The following ETV6 variants were observed in gnomAD, a reference collection of about 807,000 sequenced individuals.
The protein encoded by ETV6 is transcription factor ETV6.
ETV6 carries 16 observed loss-of-function variants against 51.1 expected under a neutral mutation model. That is an observed-to-expected ratio of 0.31 (90% CI 0.21 to 0.48). The LOEUF (loss-of-function observed/expected upper bound fraction) is 0.48. Among genes scored for constraint, ETV6 ranks in the 20% least tolerant of loss-of-function variants. The probability of loss-of-function intolerance (pLI) is 0.99; values close to 1 mark genes in which losing one functional copy is unlikely to be tolerated. For missense variants in ETV6, 458 were observed against 594.8 expected, an observed-to-expected ratio of 0.77 and a Z score of 2.39; for synonymous variants, 240 against 224.1, an observed-to-expected ratio of 1.07 and a Z score of -0.64.
At position 11,666,064 on chromosome 12, in the gene ETV6, G is replaced by C. The variant is rs556413738; in HGVS notation, c.33+15904G>C. Among the ~76,000 whole-genome samples the C allele has an allele frequency of 3.3e-5, 5 of 152,292 alleles. No individual in the cohort carries two copies. In the South Asian group the frequency reaches 1.0e-3, roughly 32 times the overall value. On this transcript the variant is annotated intron_variant, in intron 1 of 7. Transcript: ENST00000396373. ...TGGCTGTTTGTTGTAGCTGTGTGCGGTCTTGGCCATAGCTGGCTGTGGTAT... is the reference window on the plus strand; with the variant it reads ...TGGCTGTTTGTTGTAGCTGTGTGCGCTCTTGGCCATAGCTGGCTGTGGTAT...
intron 3 of ETV6, among the ~76,000 whole-genome samples, chr12:11,844,804 T>C (rs889997616): frequency 3.3e-5 from 5 of 151,008 alleles, no homozygotes; most frequent in Admixed American, 3.3e-4. Flanking sequence ...AATGCTTCGA[T>C]AGGTCACTTA....
intron 1 of ETV6, among the ~76,000 whole-genome samples, chr12:11,748,359 G>A (rs989670463): frequency 6.6e-6 from 1 of 152,216 alleles, no homozygotes; most frequent in African/African-American, 2.4e-5. Context: ...TCTCAGTTCT[G>A]CAGCAGAGAA....
At chr12:11,842,236 T>C (rs1431785355) in intron 3 of ETV6, among the ~76,000 whole-genome samples, 2 of 152,162 alleles carry the variant, frequency 1.3e-5, no homozygotes, top group Non-Finnish European at 2.9e-5. Flanking sequence ...CCTCCTCACA[T>C]TTCAAACTGG....
intron 2 of ETV6, among the ~76,000 whole-genome samples, chr12:11,828,098 T>C (rs773076669): frequency 2.0e-5 from 3 of 152,204 alleles, no homozygotes; most frequent in Non-Finnish European, 4.4e-5. Flanking sequence ...GGCTTCTTTG[T>C]AAGCATACAT....
At chr12:11,728,102 G>C (rs537640046) in intron 1 of ETV6, among the ~76,000 whole-genome samples, 11 of 152,302 alleles carry the variant, frequency 7.2e-5, no homozygotes, top group African/African-American at 2.4e-4. Context: ...TTATAGGCAT[G>C]AGCCACCGCT....
intron 2 of ETV6, among the ~76,000 whole-genome samples, chr12:11,814,646 C>T (rs1306349788): frequency 6.6e-6 from 1 of 152,220 alleles, no homozygotes; most frequent in East Asian, 1.9e-4. Context: ...CTCTCCTTGT[C>T]AAGCTCTGCA....
chr12:11,713,855 T>C (rs917826076), intron 1 of ETV6, among the ~76,000 whole-genome samples: 1 of 152,178 alleles, frequency 6.6e-6, no homozygotes, highest in Non-Finnish European at 1.5e-5. Context: ...TTCAGTAATG[T>C]TATAAGGAAG....
At chr12:11,651,149 C>G (rs1469419508) in intron 1 of ETV6, among the ~76,000 whole-genome samples, 2 of 152,212 alleles carry the variant, frequency 1.3e-5, no homozygotes, top group African/African-American at 4.8e-5. Context: ...ATTCATTTCG[C>G]TGTTCCACCA....
rs192480465 is a variant in ETV6, at chr12:11,878,020, T to C, written c.1010-6425T>C. ...ACGCAGGGCACTGACAGGGAAGGCC[T>C]GTGTGGGGTGCCCTTCAAGGCCACC... On this transcript the variant is annotated intron_variant, in intron 5 of 7. Transcript: ENST00000396373. Among the ~76,000 whole-genome samples the C allele has an allele frequency of 9.9e-5, 15 of 152,270 alleles. No homozygotes were observed. The South Asian group carries it at 1.7e-3, about 17-fold the overall frequency.
rs1264404269 is a variant in ETV6, at chr12:11,893,853, C to CA, written c.*2808dup. The stretch of plus-strand genomic sequence containing the variant: ...ATATATATATATATACACACACACA[C>CA]ACATACACAAATATTCCAGGATACA... On this transcript the variant is annotated 3_prime_UTR_variant, in exon 8 of 8. Transcript: ENST00000396373. 3.3e-5 allele frequency: 5 copies of CA among 150,910 alleles called. No homozygotes were observed. The highest frequency in any genetic ancestry group is 1.6e-4 in the African/African-American group (5 of 31,832). The allele number at this position is 150,910 out of a possible 1,614,324, so 9.3% of individuals were successfully genotyped here.
In ETV6 at chr12:11,796,669, A is replaced by G. The variant is rs570551565; in HGVS notation, c.164-42471A>G. On this transcript the variant is annotated intron_variant, in intron 2 of 7. Transcript: ENST00000396373. ...TCCATGCGTGGGGCCGATCAAGGAC[A>G]CCAAGGCTGTGCAATGACAGGTTTC... Among the ~76,000 whole-genome samples the G allele has an allele frequency of 9.9e-5, 15 of 152,228 alleles. No homozygotes were observed. The South Asian group carries it at 2.7e-3, about 27-fold the overall frequency.
chr12:11,784,240 G>A (rs1945449473), intron 2 of ETV6, among the ~76,000 whole-genome samples: 1 of 152,132 alleles, frequency 6.6e-6, no homozygotes, highest in East Asian at 1.9e-4. Flanking sequence ...GACCAGCCTG[G>A]CCAACATGTT....
Position 11,670,026 on chromosome 12 carries a change from G to A in ETV6, c.33+19866G>A, listed in dbSNP as rs546727113. Among the ~76,000 whole-genome samples, 3 of 151,796 alleles carry A rather than the reference G, an allele frequency of 2.0e-5. No homozygotes were observed. The East Asian group carries it at 5.8e-4, about 29-fold the overall frequency. ...AATCACATTCCTTCCCAAAATGACT[G>A]TGTTAGTACTTAATTGTTCACCTGG... On this transcript the variant is annotated intron_variant, in intron 1 of 7. Transcript: ENST00000396373.
At chr12:11,824,503 G>C (rs1048191007) in intron 2 of ETV6, among the ~76,000 whole-genome samples, 2 of 152,254 alleles carry the variant, frequency 1.3e-5, no homozygotes, top group Admixed American at 6.5e-5. Context: ...GGATGGCCAG[G>C]CATGGTGGCT....
chr12:11,753,232 C>T (rs1322287892), intron 2 of ETV6, among the ~76,000 whole-genome samples: 1 of 152,140 alleles, frequency 6.6e-6, no homozygotes, highest in African/African-American at 2.4e-5. Context: ...TACCACTTCC[C>T]CGTCTCAGTC....
At chr12:11,780,090 T>C (rs1009560798) in intron 2 of ETV6, among the ~76,000 whole-genome samples, 2 of 152,242 alleles carry the variant, frequency 1.3e-5, no homozygotes, top group African/African-American at 4.8e-5. Flanking sequence ...CTTTTCTCTC[T>C]TTCTGGTACA....
At chr12:11,672,830 G>A (rs918074) in intron 1 of ETV6, among the ~76,000 whole-genome samples, 2,528 of 151,890 alleles carry the variant, frequency 0.017, 81 homozygotes, top group East Asian at 0.14. Flanking sequence ...AGATCCCCTT[G>A]GGGTGAGGGT....
At chr12:11,805,199 T>C (rs1320601946) in intron 2 of ETV6, among the ~76,000 whole-genome samples, 1 of 152,214 alleles carries the variant, frequency 6.6e-6, no homozygotes, top group Non-Finnish European at 1.5e-5. Flanking sequence ...TGAGGTTTTA[T>C]GAAGTTCTGG....
At chr12:11,667,197 C>T (rs74062355) in intron 1 of ETV6, among the ~76,000 whole-genome samples, 11,207 of 152,164 alleles carry the variant, frequency 0.074, 1,355 homozygotes, top group African/African-American at 0.25. Flanking sequence ...AGAGGAAGGC[C>T]GATGGATAGT....
Sources: gnomAD v4.1 joint callset for allele counts (sites outside exome capture counted in the v4.1 genomes callset) on GRCh38, gnomAD v4.1.1 for gene constraint, MANE v1.5 for transcripts, NCBI Gene and HGNC (gene_info 2026-07-23, HGNC 2026-07-21) for gene names.